Variants in CMTM6 observed in about 807,000 individuals in gnomAD.
CMTM6 encodes CKLF-like MARVEL transmembrane domain-containing protein 6.
Under a neutral mutation model 13.6 loss-of-function variants are expected in CMTM6, and 5 were observed. That is an observed-to-expected ratio of 0.37 (90% CI 0.19 to 0.77). The LOEUF (loss-of-function observed/expected upper bound fraction) is 0.77, where lower values mean the gene tolerates loss of function less well. Among genes scored for constraint, CMTM6 ranks in the 30% least tolerant of loss-of-function variants. CMTM6 has a pLI of 0.50. For synonymous variants in CMTM6, 99 were observed against 84.5 expected, an observed-to-expected ratio of 1.17 and a Z score of -0.94; for missense variants, 196 against 218.6, an observed-to-expected ratio of 0.90 and a Z score of 0.65.
intron 1 of CMTM6, among the ~76,000 whole-genome samples, chr3:32,495,809 C>T (rs967874014): frequency 1.3e-5 from 2 of 152,226 alleles, no homozygotes; most frequent in African/African-American, 4.8e-5. Flanking sequence ...GGCATTCCTA[C>T]TGACCTTACT....
chr3:32,484,792 G>T (rs1418219948), intron 3 of CMTM6, among the ~76,000 whole-genome samples: 1 of 152,078 alleles, frequency 6.6e-6, no homozygotes, highest in East Asian at 1.9e-4. Context: ...CTGTAAAAAA[G>T]AGAAAATTGA....
chr3:32,498,897 T>C (rs1056096515), intron 1 of CMTM6, among the ~76,000 whole-genome samples: 3 of 152,090 alleles, frequency 2.0e-5, no homozygotes, highest in Non-Finnish European at 1.5e-5. Flanking sequence ...CTACCTTTTC[T>C]GAAATTTCAA....
chr3:32,497,149 C>G (rs988924528), intron 1 of CMTM6, among the ~76,000 whole-genome samples: 11 of 151,710 alleles, frequency 7.3e-5, no homozygotes, highest in Middle Eastern at 3.2e-3. Flanking sequence ...TCTGGGAGGC[C>G]GAGGTGGGCG....
chr3:32,486,122 C>T (rs558191442), intron 3 of CMTM6, among the ~76,000 whole-genome samples: 10 of 152,304 alleles, frequency 6.6e-5, no homozygotes, highest in African/African-American at 1.2e-4. Flanking sequence ...CTGATCCGCC[C>T]GCCTTGGCCT....
intron 1 of CMTM6, among the ~76,000 whole-genome samples, chr3:32,496,573 G>A (rs1184029418): frequency 6.6e-6 from 1 of 152,190 alleles, no homozygotes; most frequent in Non-Finnish European, 1.5e-5. Context: ...AAATGATGGA[G>A]TAATAAGCTC....
intron 1 of CMTM6, among the ~76,000 whole-genome samples, chr3:32,496,175 T>G (rs527448514): frequency 1.4e-5 from 2 of 140,294 alleles, no homozygotes; most frequent in South Asian, 4.5e-4. Context: ...CACTCCAGCC[T>G]GGGTGACAAA....
chr3:32,484,919 A>G (rs1223100321), intron 3 of CMTM6, among the ~76,000 whole-genome samples: 1 of 152,026 alleles, frequency 6.6e-6, no homozygotes, highest in African/African-American at 2.4e-5. Context: ...CCCTCTAAAG[A>G]ATAAGCATTC....
chr3:32,482,464 A>T lies in CMTM6; in HGVS notation c.*1496T>A, dbSNP rs997252959. ...AACCTACCCTGGGAGACTTCCACCA[A>T]AGTGCAGAAGGACCTGATGCACGGG... On this transcript the variant is annotated 3_prime_UTR_variant, in exon 4 of 4. Coordinates refer to ENST00000205636, the MANE Select transcript of CMTM6 (RefSeq NM_017801.3). The T allele has an allele frequency of 7.2e-5, 11 of 152,110 alleles. No individual in the cohort carries two copies. Among genetic ancestry groups the T allele is most frequent in the African/African-American group, 2.4e-4 (10 of 41,424 alleles). 9.4% of individuals were successfully genotyped at this position (152,110 alleles called of 1,614,324 possible). A position where few individuals can be genotyped will look rare whatever the true frequency, so the allele number is the denominator to read the frequency against.
chr3:32,489,211 A>T (rs1285250235), intron 2 of CMTM6, among the ~76,000 whole-genome samples: 1 of 147,104 alleles, frequency 6.8e-6, no homozygotes, highest in East Asian at 2.0e-4. Flanking sequence ...CAGAGGTTGC[A>T]GTGAGCCAAG....
rs1297942828 is a variant in CMTM6, at chr3:32,482,085, G to C, written c.*1875C>G. On this transcript the variant is annotated 3_prime_UTR_variant, in exon 4 of 4. Transcript: ENST00000205636. ...TCTACCTACCATAAACTCGTTTTCT[G>C]AATCAGTCCTTATTCATAATTAGAC... 1 of 152,154 alleles carries C rather than the reference G, an allele frequency of 6.6e-6. No homozygotes were observed. The allele number at this position is 152,154 out of a possible 1,614,324, so 9.4% of individuals were successfully genotyped here.
intron 1 of CMTM6, among the ~76,000 whole-genome samples, chr3:32,494,254 T>C (rs1697271390): frequency 6.6e-6 from 1 of 152,148 alleles, no homozygotes; most frequent in Non-Finnish European, 1.5e-5. Flanking sequence ...AATTTCCTGC[T>C]GAGGGCCGAA....
chr3:32,487,721 G>A (rs1303386742), intron 3 of CMTM6: 1 of 413,654 alleles, frequency 2.4e-6, no homozygotes, highest in Non-Finnish European at 4.4e-6. Context: ...TGGAGTAAGT[G>A]GATTTTTTTT....
chr3:32,502,809 G>A lies in CMTM6; in HGVS notation c.-64C>T. 2 of 1,363,388 alleles carry A rather than the reference G, an allele frequency of 1.5e-6. No individual in the cohort carries two copies. Among genetic ancestry groups the A allele is most frequent in the African/African-American group, 1.5e-5 (1 of 65,296 alleles). 84.5% of individuals were successfully genotyped at this position (1,363,388 alleles called of 1,614,324 possible). On this transcript the variant is annotated 5_prime_UTR_variant, in exon 1 of 4. Coordinates refer to ENST00000205636, the MANE Select transcript of CMTM6 (RefSeq NM_017801.3). ...GCCGTTGACTTCTCGGACTCCAGAA[G>A]TCCCCGGTAGCCGGGAGGCGGCCGT...
rs1697360614 is a variant in CMTM6 at position 32,502,837 on chromosome 3, C to T, written c.-92G>A. On this transcript the variant is annotated 5_prime_UTR_variant, in exon 1 of 4. It adds an upstream start codon to the 5' untranslated region. Coordinates refer to ENST00000205636, the MANE Select transcript of CMTM6 (RefSeq NM_017801.3). Reference sequence around the variant, plus strand: ...CCCGGTAGCCGGGAGGCGGCCGTCACTTCCTGGGCCTTCTCCCCGGCTTCC... The same window carrying T: ...CCCGGTAGCCGGGAGGCGGCCGTCATTTCCTGGGCCTTCTCCCCGGCTTCC... 7.5e-7 allele frequency: 1 copy of T among 1,327,008 alleles called. No individual in the cohort carries two copies. Among genetic ancestry groups the T allele is most frequent in the Non-Finnish European group, 9.7e-7 (1 of 1,032,196 alleles). 82.2% of individuals were successfully genotyped at this position (1,327,008 alleles called of 1,614,324 possible).
chr3:32,501,791 C>T (rs533039809), intron 1 of CMTM6, among the ~76,000 whole-genome samples: 5 of 152,130 alleles, frequency 3.3e-5, no homozygotes, highest in African/African-American at 4.8e-5. Context: ...AGAAATAGAA[C>T]CTAAACTGTT....
intron 1 of CMTM6, among the ~76,000 whole-genome samples, chr3:32,497,122 G>A (rs534417082): frequency 6.6e-5 from 10 of 152,128 alleles, no homozygotes; most frequent in South Asian, 2.1e-4. Flanking sequence ...GGTGGCTCAC[G>A]CCTGTAATCC....
At chr3:32,487,073 T>A (rs1296404648) in intron 3 of CMTM6, among the ~76,000 whole-genome samples, 1 of 152,172 alleles carries the variant, frequency 6.6e-6, no homozygotes, top group Admixed American at 6.5e-5. Context: ...AAGGAACTAA[T>A]CCAGCAAGAT....
chr3:32,490,595 T>A (rs1697242399), intron 2 of CMTM6, among the ~76,000 whole-genome samples: 1 of 152,190 alleles, frequency 6.6e-6, no homozygotes, highest in Non-Finnish European at 1.5e-5. Flanking sequence ...CTAAAATGAC[T>A]TTTTAAATGC....
chr3:32,494,402 T>C (rs1380479541), intron 1 of CMTM6, among the ~76,000 whole-genome samples: 1 of 152,198 alleles, frequency 6.6e-6, no homozygotes, highest in African/African-American at 2.4e-5. Context: ...TTCATAGTAA[T>C]AGTAAATATC....
Sources: gnomAD v4.1 joint callset for allele counts (sites outside exome capture counted in the v4.1 genomes callset) on GRCh38, gnomAD v4.1.1 for gene constraint, MANE v1.5 for transcripts, NCBI Gene and HGNC (gene_info 2026-07-23, HGNC 2026-07-21) for gene names.